NEDD4L: variants seen among roughly 807,000 people sequenced by gnomAD.
The protein encoded by NEDD4L is NEDD4 like E3 ubiquitin protein ligase.
In NEDD4L, 54 loss-of-function variants were observed where a neutral mutation model predicts 148.9. The ratio of observed to expected loss-of-function variants is 0.36; its 90% CI spans 0.29 to 0.45. The LOEUF (loss-of-function observed/expected upper bound fraction) is 0.45. NEDD4L is among the 20% of genes least tolerant of loss of function. The pLI is 1.00. For synonymous variants in NEDD4L, 433 were observed against 440.7 expected (o/e 0.98, Z 0.22); for missense variants, 856 against 1,233.8 (o/e 0.69, Z 4.59).
At chr18:58,136,068 T>G (rs536704751) in intron 1 of NEDD4L, among the ~76,000 whole-genome samples, 6 of 152,306 alleles carry the variant, frequency 3.9e-5, no homozygotes, top group African/African-American at 1.4e-4. Flanking sequence ...AAACTCAGCT[T>G]GAAACTTTTT....
intron 1 of NEDD4L, among the ~76,000 whole-genome samples, chr18:58,102,633 A>G (rs1231579127): frequency 1.3e-5 from 2 of 152,226 alleles, no homozygotes; most frequent in Non-Finnish European, 2.9e-5. Context: ...AATGAAAAAT[A>G]ACAATATAAC....
At chr18:58,087,172 C>T (rs2083800560) in intron 1 of NEDD4L, among the ~76,000 whole-genome samples, 1 of 152,228 alleles carries the variant, frequency 6.6e-6, no homozygotes, top group Non-Finnish European at 1.5e-5. Context: ...TAGGTGGGAC[C>T]TTCAACACTC....
At chr18:58,064,429 G>A (rs558462305) in intron 1 of NEDD4L, among the ~76,000 whole-genome samples, 36 of 152,222 alleles carry the variant, frequency 2.4e-4, no homozygotes, top group Non-Finnish European at 4.6e-4. Context: ...AATGTGACAG[G>A]TGATGCTATT....
At chr18:58,179,623 AC>A (rs1220129076) in intron 2 of NEDD4L, among the ~76,000 whole-genome samples, 1 of 152,096 alleles carries the variant, frequency 6.6e-6, no homozygotes, top group African/African-American at 2.4e-5. Context: ...CGGATCAGCC[AC>A]CAGCATTAGA....
chr18:58,212,344 G>A (rs960615519), intron 2 of NEDD4L, among the ~76,000 whole-genome samples: 3 of 152,116 alleles, frequency 2.0e-5, no homozygotes, highest in South Asian at 2.1e-4. Context: ...AAAGGAAAGA[G>A]GTTTCACAGT....
intron 5 of NEDD4L, among the ~76,000 whole-genome samples, chr18:58,293,264 C>T (rs2055038213): frequency 6.6e-6 from 1 of 152,218 alleles, no homozygotes; most frequent in South Asian, 2.1e-4. Flanking sequence ...GACTCTTCTT[C>T]ATTAACTGAC....
rs35545013 is a variant in NEDD4L at position 58,398,157 on chromosome 18, T to TAAAAAAAAAAAAAAAA, written c.*1910_*1925dup. ...TCAGAAAACTTAGATGCTATGTAAC[T>TAAAAAAAAAAAAAAAA]AAAAAAAAAAAAAAAAAAAAAAAAA... On this transcript the variant is annotated 3_prime_UTR_variant, in exon 31 of 31. Coordinates refer to ENST00000400345, the MANE Select transcript of NEDD4L (RefSeq NM_001144967.3). 9.7e-5 allele frequency: 3 copies of TAAAAAAAAAAAAAAAA among 31,012 alleles called. No homozygotes were observed. Among genetic ancestry groups the TAAAAAAAAAAAAAAAA allele is most frequent in the African/African-American group, 2.7e-4 (3 of 10,928 alleles). The allele number at this position is 31,012 out of a possible 1,614,324, so 1.9% of individuals were successfully genotyped here.
chr18:58,293,582 G>A (rs149148318), intron 5 of NEDD4L, among the ~76,000 whole-genome samples: 31 of 152,296 alleles, frequency 2.0e-4, no homozygotes, highest in African/African-American at 7.2e-4. Flanking sequence ...ATAAACTGCT[G>A]TTTACTTAAT....
chr18:58,341,759 C>T lies in NEDD4L; in HGVS notation c.1339C>T (p.Leu447Phe), dbSNP rs1319389941. Residue 447 changes from leucine to phenylalanine, a missense_variant, in exon 15 of 31, where the codon CTC becomes TTC. Physicochemically the swap from Leu to Phe is conservative, Grantham distance 22. This residue lies in a region of NEDD4L where 367 missense variants were observed against 422.7 expected (regional missense o/e 0.87). Coordinates refer to ENST00000400345, the MANE Select transcript of NEDD4L (RefSeq NM_001144967.3). ...GCCTCAGATCCGCCGGCCTCGTAGC[C>T]TCAGCTCGCCAACAGTAACTTTATC... ...IEPQIRRPRS[L>F]SSPTVTLSAP... 6.2e-7 allele frequency: 1 copy of T among 1,613,732 alleles called. No homozygotes were observed. Among genetic ancestry groups the T allele is most frequent in the Non-Finnish European group, 8.5e-7 (1 of 1,179,882 alleles).
intron 5 of NEDD4L, among the ~76,000 whole-genome samples, chr18:58,281,568 C>T (rs951577669): frequency 2.1e-4 from 32 of 151,966 alleles, no homozygotes; most frequent in African/African-American, 5.8e-4. Flanking sequence ...CCTAGCTCTC[C>T]ATGCTTACCA....
At chr18:58,174,946 C>T (rs56724795) in intron 2 of NEDD4L, among the ~76,000 whole-genome samples, 12,188 of 152,104 alleles carry the variant, frequency 0.08, 1,605 homozygotes, top group African/African-American at 0.28. Context: ...AGTAAATCTC[C>T]TTATTTTACT....
chr18:58,163,076 A>ATT (rs2036421532), intron 1 of NEDD4L, among the ~76,000 whole-genome samples: 1 of 151,816 alleles, frequency 6.6e-6, no homozygotes, highest in African/African-American at 2.4e-5. Context: ...AAAAAAGAAA[A>ATT]AAAAAAAAGA....
intron 9 of NEDD4L, among the ~76,000 whole-genome samples, chr18:58,326,735 T>C (rs1386138486): frequency 6.6e-6 from 1 of 152,220 alleles, no homozygotes; most frequent in Non-Finnish European, 1.5e-5. Context: ...AGCTAATATG[T>C]ATATGGAAAA....
chr18:58,046,484 A>G (rs926256277), intron 1 of NEDD4L: 2 of 151,846 alleles, frequency 1.3e-5, no homozygotes, highest in African/African-American at 4.8e-5. Flanking sequence ...ATTTGTAAAA[A>G]CTCCCCCGAA....
rs748774036 is a variant in NEDD4L at position 58,341,672 on chromosome 18, A to G, written c.1258-6A>G. ...TGAAGCTAACTTGTTTTTGCCTCCA[A>G]AATAGCTTGCAGAAGATGGTGCGTC... On this transcript the variant is annotated splice_region_variant and splice_polypyrimidine_tract_variant and intron_variant, in intron 14 of 30. Transcript: ENST00000400345. 1.2e-6 allele frequency: 2 copies of G among 1,611,912 alleles called. No individual in the cohort carries two copies. The highest frequency in any genetic ancestry group is 1.3e-5 in the African/African-American group (1 of 74,896).
chr18:58,351,701 G>T (rs1415241112), intron 18 of NEDD4L, among the ~76,000 whole-genome samples: 1 of 151,932 alleles, frequency 6.6e-6, no homozygotes, highest in South Asian at 2.1e-4. Context: ...GTTCTTCATG[G>T]AATCATATTT....
intron 23 of NEDD4L, among the ~76,000 whole-genome samples, chr18:58,372,923 C>T (rs1322996294): frequency 6.6e-6 from 1 of 152,104 alleles, no homozygotes; most frequent in Non-Finnish European, 1.5e-5. Flanking sequence ...CATCCACCAT[C>T]CAGAGTAGGT....
chr18:58,289,026 G>A, intron 5 of NEDD4L, among the ~76,000 whole-genome samples: 1 of 152,130 alleles, frequency 6.6e-6, no homozygotes, highest in Non-Finnish European at 1.5e-5. Flanking sequence ...GAATTTAAGT[G>A]TTTCTACTGC....
At chr18:58,219,547 A>T (rs1322154318) in intron 2 of NEDD4L, among the ~76,000 whole-genome samples, 1 of 152,208 alleles carries the variant, frequency 6.6e-6, no homozygotes, top group African/African-American at 2.4e-5. Flanking sequence ...GGAGCCTGCG[A>T]TGAAGCAGGA....
Sources: gnomAD v4.1 joint callset for allele counts (sites outside exome capture counted in the v4.1 genomes callset) on GRCh38, gnomAD v4.1.1 for gene constraint, gnomAD v4.1.1 regional missense constraint, MANE v1.5 for transcripts, NCBI Gene and HGNC (gene_info 2026-07-23, HGNC 2026-07-21) for gene names.